Variants in CUX1 observed in about 807,000 individuals in gnomAD.
CUX1 encodes protein CASP.
A neutral mutation model predicts 158.8 loss-of-function variants in CUX1; 31 were observed. The observed-to-expected ratio is 0.20, with a 90% CI of 0.15 to 0.26. CUX1 has a LOEUF of 0.26. Ranked by LOEUF, CUX1 falls within the 10% of genes least tolerant of loss-of-function variation. The probability of loss-of-function intolerance (pLI) is 1.00; values close to 1 mark genes in which losing one functional copy is unlikely to be tolerated. For missense variants in CUX1, 1,589 were observed against 2,014.6 expected (o/e 0.79, Z 4.04); for synonymous variants, 879 against 862.1 (o/e 1.02, Z -0.34).
chr7:102,050,599 A>G (rs1027722319), intron 3 of CUX1, among the ~76,000 whole-genome samples: 2 of 152,096 alleles, frequency 1.3e-5, no homozygotes. Context: ...CGTATGCCCC[A>G]TTTCGGGAGA....
intron 1 of CUX1, among the ~76,000 whole-genome samples, chr7:101,832,791 T>A (rs891396557): frequency 6.6e-6 from 1 of 152,192 alleles, no homozygotes; most frequent in African/African-American, 2.4e-5. Flanking sequence ...GTACTAGGAC[T>A]GCCACTTCTG....
intron 8 of CUX1, among the ~76,000 whole-genome samples, chr7:102,128,793 C>T (rs180799076): frequency 2.6e-5 from 4 of 152,054 alleles, no homozygotes; most frequent in African/African-American, 9.6e-5. Context: ...GACTGGCCAA[C>T]ATGAGGAAAC....
chr7:102,178,485 T>G lies in CUX1; in HGVS notation c.845T>G (p.Val282Gly). The change falls in exon 11 of 24, where the codon GTG (valine) becomes GGG (glycine). Residue 282 changes from valine to glycine, a missense_variant. Around this residue, in one of 8 missense-constraint regions of CUX1, gnomAD observed 515 missense variants for 574.4 expected, o/e 0.90. Transcript: ENST00000292535. ...KAPDVEQAIE[V>G]LTRSSLEVEL... ...CCTCCCCAGGAGCAGGCCATAGAGG[T>G]GCTGACCCGCTCCAGCCTAGAAGTT... 1 of 1,607,592 alleles carries G rather than the reference T, an allele frequency of 6.2e-7. No individual in the cohort carries two copies. The highest frequency in any genetic ancestry group is 1.7e-5 in the Admixed American group (1 of 59,834).
intron 7 of CUX1, among the ~76,000 whole-genome samples, chr7:102,113,423 C>T (rs1453098565): frequency 4.6e-5 from 7 of 150,752 alleles, no homozygotes; most frequent in South Asian, 2.1e-4. Flanking sequence ...CCACCATGCC[C>T]GGTTAATTTT....
At chr7:102,131,642 T>G (rs1302029893) in intron 8 of CUX1, among the ~76,000 whole-genome samples, 1 of 151,370 alleles carries the variant, frequency 6.6e-6, no homozygotes, top group Admixed American at 6.6e-5. Flanking sequence ...TAAAATCTAT[T>G]TAGTTATTTT....
chr7:101,837,703 C>T (rs1368942611), intron 1 of CUX1, among the ~76,000 whole-genome samples: 2 of 151,666 alleles, frequency 1.3e-5, no homozygotes, highest in African/African-American at 4.8e-5. Flanking sequence ...TGGTGACGCA[C>T]ACCTGTGTTC....
intron 2 of CUX1, among the ~76,000 whole-genome samples, chr7:101,983,481 A>G (rs1813750006): frequency 6.6e-6 from 1 of 152,162 alleles, no homozygotes; most frequent in Non-Finnish European, 1.5e-5. Flanking sequence ...GCAGTGAACA[A>G]TTATGTGTGA....
chr7:102,251,818 G>A lies in CUX1; in HGVS notation c.*2776G>A. 2 of 985,296 alleles carry A rather than the reference G, an allele frequency of 2.0e-6. No individual in the cohort carries two copies. 61.0% of individuals were successfully genotyped at this position (985,296 alleles called of 1,614,324 possible). A position where few individuals can be genotyped will look rare whatever the true frequency, so the allele number is the denominator to read the frequency against. On this transcript the variant is annotated 3_prime_UTR_variant, in exon 24 of 24. Coordinates refer to ENST00000292535, the MANE Select transcript of CUX1 (RefSeq NM_181552.4). ...AAGTTAACAGGAAATAGTAGGCTAG[G>A]GTTTAGTTTTAAAGGCATGACTGTT...
At chr7:102,090,705 C>CTTT (rs147510169) in intron 4 of CUX1, among the ~76,000 whole-genome samples, 1 of 145,808 alleles carries the variant, frequency 6.9e-6, no homozygotes, top group Non-Finnish European at 1.5e-5. Context: ...TTTTTTTTTC[C>CTTT]TAGCTTTTCA....
chr7:102,157,641 G>A (rs986805923), intron 8 of CUX1, among the ~76,000 whole-genome samples: 6 of 152,248 alleles, frequency 3.9e-5, no homozygotes, highest in African/African-American at 1.2e-4. Context: ...TTAGCCGGGC[G>A]TGGTGGTGCA....
intron 2 of CUX1, among the ~76,000 whole-genome samples, chr7:101,998,838 T>C (rs1315205688): frequency 6.6e-6 from 1 of 152,184 alleles, no homozygotes; most frequent in African/African-American, 2.4e-5. Context: ...TTCGTCGCTT[T>C]CTTAAGTTGA....
chr7:102,026,504 C>G (rs1820037506), intron 2 of CUX1, among the ~76,000 whole-genome samples: 1 of 152,006 alleles, frequency 6.6e-6, no homozygotes, highest in African/African-American at 2.4e-5. Flanking sequence ...TAGCTTTCCT[C>G]AGATTCTCAG....
intron 1 of CUX1, among the ~76,000 whole-genome samples, chr7:101,909,163 C>T (rs1342973421): frequency 6.0e-5 from 9 of 150,264 alleles, no homozygotes; most frequent in East Asian, 2.0e-4. Flanking sequence ...TTTGGGAGGC[C>T]GAGGCGGGAG....
intron 4 of CUX1, among the ~76,000 whole-genome samples, chr7:102,075,823 T>C (rs1352239926): frequency 2.0e-5 from 3 of 152,234 alleles, no homozygotes; most frequent in Non-Finnish European, 4.4e-5. Flanking sequence ...CATGCCTGCA[T>C]GGACATTTAT....
At chr7:102,204,278 C>A in intron 18 of CUX1, 113 bp from the exon 19 acceptor site, 1 of 1,385,936 alleles carries the variant, frequency 7.2e-7, no homozygotes, top group Non-Finnish European at 9.9e-7. Flanking sequence ...GTTCTGTGCT[C>A]AGAAGTCAGC....
In CUX1 at chr7:101,906,602, C is replaced by T. The variant is rs146582721; in HGVS notation, c.31-9513C>T. ...GCTCACGGCGGGCTTTGGCAGGGCG[C>T]GCCCCGTGTCCTGGAGGACTGTGTC... On this transcript the variant is annotated intron_variant, in intron 1 of 23. Transcript: ENST00000292535. 2.2e-3 allele frequency among the ~76,000 whole-genome samples: 338 copies of T among 152,086 alleles called. 2 individuals are homozygous for T. Among genetic ancestry groups the T allele is most frequent in the African/African-American group, 7.7e-3 (319 of 41,478 alleles).
At chr7:102,105,270 G>A (rs201484) in intron 6 of CUX1, among the ~76,000 whole-genome samples, 16,142 of 151,868 alleles carry the variant, frequency 0.11, 1,134 homozygotes, top group Admixed American at 0.18. Flanking sequence ...ATCTCAGTGG[G>A]TTTTTTGGTA....
intron 8 of CUX1, among the ~76,000 whole-genome samples, chr7:102,141,970 C>T (rs1407114477): frequency 2.6e-5 from 4 of 151,916 alleles, no homozygotes; most frequent in Non-Finnish European, 4.4e-5. Flanking sequence ...TCCTACCACA[C>T]AGTACTTAGG....
chr7:101,951,932 A>G (rs1809113022), intron 2 of CUX1, among the ~76,000 whole-genome samples: 2 of 152,266 alleles, frequency 1.3e-5, no homozygotes, highest in South Asian at 2.1e-4. Flanking sequence ...ACTCTGCTGT[A>G]AAGTAGCCAT....
Sources: allele counts gnomAD v4.1 joint callset (sites outside exome capture counted in the v4.1 genomes callset), GRCh38; gene constraint gnomAD v4.1.1; regional missense constraint gnomAD v4.1.1; transcripts MANE v1.5; gene names NCBI Gene and HGNC (gene_info 2026-07-23, HGNC 2026-07-21).